RGS20: variants seen among roughly 807,000 people sequenced by gnomAD.
The protein encoded by RGS20 is gz-selective GTPase-activating protein.
Under a neutral mutation model 33.6 loss-of-function variants are expected in RGS20, and 30 were observed. The ratio of observed to expected loss-of-function variants is 0.89; its 90% CI spans 0.67 to 1.21. The LOEUF (loss-of-function observed/expected upper bound fraction) is 1.21, where lower values mean the gene tolerates loss of function less well. RGS20 is among the 50% of genes most tolerant of loss of function. The pLI, the probability that RGS20 is intolerant of heterozygous loss-of-function variation, is 0.00. For missense variants in RGS20, 472 were observed against 502.4 expected, an observed-to-expected ratio of 0.94 and a Z score of 0.58; for synonymous variants, 208 against 197.9, an observed-to-expected ratio of 1.05 and a Z score of -0.43.
chr8:53,948,192 A>G (rs1243891362), intron 4 of RGS20, among the ~76,000 whole-genome samples: 2 of 132,458 alleles, frequency 1.5e-5, no homozygotes, highest in Non-Finnish European at 3.1e-5. Flanking sequence ...TAGTATATAT[A>G]TTTACATATG....
At chr8:53,880,835 C>T (rs1447736571) in intron 2 of RGS20, 37 bp from the exon 1 acceptor site, 3 of 1,375,454 alleles carry the variant, frequency 2.2e-6, no homozygotes, top group Non-Finnish European at 2.8e-6. Context: ...TGGGATTGCC[C>T]GGCCGGGTAA....
At chr8:53,878,266 A>G (rs1171586428) in intron 1 of RGS20, among the ~76,000 whole-genome samples, 1 of 152,172 alleles carries the variant, frequency 6.6e-6, no homozygotes, top group African/African-American at 2.4e-5. Flanking sequence ...AGCGTCTCAA[A>G]GATGACAGTC....
Position 53,946,486 on chromosome 8 carries a change from T to G in RGS20, c.660-179T>G. ...CCACAACGTTTATTTATATTTCTAGTACCTTATTGTCACACTTTTGGTTTG... is the reference window on the plus strand; with the variant it reads ...CCACAACGTTTATTTATATTTCTAGGACCTTATTGTCACACTTTTGGTTTG... On this transcript the variant is annotated intron_variant, in intron 3 of 5. Transcript: ENST00000297313. The G allele has an allele frequency of 7.2e-6, 5 of 696,596 alleles. No homozygotes were observed. The Admixed American group carries it at 1.1e-4, about 16-fold the overall frequency. The allele number at this position is 696,596 out of a possible 1,614,324, so 43.2% of individuals were successfully genotyped here.
At chr8:53,927,696 A>G (rs1331213698) in intron 2 of RGS20, among the ~76,000 whole-genome samples, 1 of 152,198 alleles carries the variant, frequency 6.6e-6, no homozygotes, top group Non-Finnish European at 1.5e-5. Flanking sequence ...CAAACAGACT[A>G]AAAAAGGAGA....
intron 4 of RGS20, among the ~76,000 whole-genome samples, chr8:53,953,113 C>A (rs1013485729): frequency 6.6e-6 from 1 of 152,210 alleles, no homozygotes; most frequent in African/African-American, 2.4e-5. Flanking sequence ...GTACAATGTA[C>A]ACTATCCCAT....
At chr8:53,907,071 T>A (rs946579329) in intron 2 of RGS20, among the ~76,000 whole-genome samples, 6 of 152,162 alleles carry the variant, frequency 3.9e-5, no homozygotes, top group Non-Finnish European at 7.3e-5. Context: ...GAAAGAAATG[T>A]CCCATCAATT....
chr8:53,909,091 C>T (rs1813263866), intron 2 of RGS20, among the ~76,000 whole-genome samples: 1 of 149,874 alleles, frequency 6.7e-6, no homozygotes, highest in Non-Finnish European at 1.5e-5. Flanking sequence ...GAGCCAGATA[C>T]TATTATTTTC....
intron 2 of RGS20, among the ~76,000 whole-genome samples, chr8:53,900,932 G>T (rs1812999827): frequency 6.6e-6 from 1 of 152,044 alleles, no homozygotes; most frequent in African/African-American, 2.4e-5. Context: ...TCTGACCCCA[G>T]TCACGGCAGG....
intron 2 of RGS20, among the ~76,000 whole-genome samples, chr8:53,930,130 A>C (rs1813912754): frequency 1.3e-5 from 2 of 152,348 alleles, no homozygotes; most frequent in South Asian, 4.1e-4. Context: ...TTAAAAAGGT[A>C]CAGGAAGCAA....
chr8:53,860,607 T>C (rs1247220922), intron 1 of RGS20, among the ~76,000 whole-genome samples: 1 of 152,182 alleles, frequency 6.6e-6, no homozygotes, highest in African/African-American at 2.4e-5. Context: ...TGTGGCTCCA[T>C]GTTCTCATTC....
At chr8:53,886,835 A>G (rs1238787946) in intron 2 of RGS20, among the ~76,000 whole-genome samples, 2 of 152,226 alleles carry the variant, frequency 1.3e-5, no homozygotes, top group East Asian at 3.8e-4. Context: ...GCTAGAATCA[A>G]CACTTATACA....
intron 1 of RGS20, among the ~76,000 whole-genome samples, chr8:53,870,206 C>T (rs1812031365): frequency 6.6e-6 from 1 of 152,180 alleles, no homozygotes; most frequent in Admixed American, 6.5e-5. Flanking sequence ...CTTTTTTCAG[C>T]TCCTAAGCTC....
intron 2 of RGS20, among the ~76,000 whole-genome samples, chr8:53,900,559 A>G (rs556233375): frequency 1.8e-4 from 27 of 152,224 alleles, no homozygotes; most frequent in Non-Finnish European, 3.5e-4. Flanking sequence ...ATCAATAAGT[A>G]CTAAATTTAA....
chr8:53,943,364 C>T (rs1489413726), intron 3 of RGS20, among the ~76,000 whole-genome samples: 2 of 152,020 alleles, frequency 1.3e-5, no homozygotes, highest in African/African-American at 4.8e-5. Flanking sequence ...GCTGTAAGGC[C>T]TTCTGGTATT....
intron 2 of RGS20, among the ~76,000 whole-genome samples, chr8:53,882,504 G>A (rs1357483445): frequency 6.6e-6 from 1 of 152,188 alleles, no homozygotes; most frequent in Non-Finnish European, 1.5e-5. Context: ...GAGTGGAGAA[G>A]TGAACGTGGT....
At position 53,904,694 on chromosome 8, in the gene RGS20, T is replaced by C. The variant is rs562296580; in HGVS notation, c.510+25092T>C. Among the ~76,000 whole-genome samples, 15 of 152,330 alleles carry C rather than the reference T, an allele frequency of 9.8e-5. No homozygotes were observed. The South Asian group carries it at 3.1e-3, about 32-fold the overall frequency. On this transcript the variant is annotated intron_variant, in intron 2 of 5. Transcript: ENST00000297313. ...TTCAGAGGTGCCCTGGGCCAAGTTA[T>C]CACTGGGAATGCACCCCAGCTGCAA...
intron 1 of RGS20, among the ~76,000 whole-genome samples, chr8:53,861,621 C>T (rs1811810668): frequency 6.6e-6 from 1 of 152,128 alleles, no homozygotes; most frequent in Admixed American, 6.5e-5. Context: ...ACCATTTGCC[C>T]AGAGGATCAT....
chr8:53,881,294 G>T (rs182735679), intron 2 of RGS20, among the ~76,000 whole-genome samples: 1 of 152,044 alleles, frequency 6.6e-6, no homozygotes, highest in Non-Finnish European at 1.5e-5. Context: ...GTCCGCGTGC[G>T]AAGAGGGGCA....
chr8:53,870,319 C>A (rs1218672303), intron 1 of RGS20, among the ~76,000 whole-genome samples: 1 of 152,150 alleles, frequency 6.6e-6, no homozygotes, highest in Non-Finnish European at 1.5e-5. Flanking sequence ...GAGTTAGACA[C>A]CAGCTAGACT....
Sources: gnomAD v4.1 joint callset for allele counts (sites outside exome capture counted in the v4.1 genomes callset) on GRCh38, gnomAD v4.1.1 for gene constraint, MANE v1.5 for transcripts, NCBI Gene and HGNC (gene_info 2026-07-23, HGNC 2026-07-21) for gene names.